HS3ST4: variants seen among roughly 807,000 people sequenced by gnomAD.
The protein encoded by HS3ST4 is heparan sulfate-glucosamine 3-sulfotransferase 4, also known as heparan sulfate glucosamine 3-O-sulfotransferase 4.
HS3ST4 carries 17 observed loss-of-function variants against 29.2 expected under a neutral mutation model. The ratio of observed to expected loss-of-function variants is 0.58; its 90% CI spans 0.40 to 0.87. The LOEUF (loss-of-function observed/expected upper bound fraction) is 0.87, where lower values mean the gene tolerates loss of function less well. Among genes scored for constraint, HS3ST4 ranks in the 40% least tolerant of loss-of-function variants. The probability of loss-of-function intolerance (pLI) is 0.00; values close to 1 mark genes in which losing one functional copy is unlikely to be tolerated. For missense variants in HS3ST4, 627 were observed against 634.5 expected (o/e 0.99, Z 0.13); for synonymous variants, 314 against 285.7 (o/e 1.10, Z -1.00).
At chr16:25,907,815 A>G (rs980891465) in intron 1 of HS3ST4, among the ~76,000 whole-genome samples, 12 of 152,346 alleles carry the variant, frequency 7.9e-5, no homozygotes, top group Admixed American at 3.3e-4. Flanking sequence ...TGGAAGAAAG[A>G]CTGTGATAAA....
chr16:26,102,255 G>A (rs9939950), intron 1 of HS3ST4, among the ~76,000 whole-genome samples: 26,844 of 72,754 alleles, frequency 0.37, 2,971 homozygotes, highest in Middle Eastern at 0.56. Context: ...TCACAGCAAT[G>A]ATTTTTTTTT....
chr16:25,859,826 C>T (rs1967619465), intron 1 of HS3ST4, among the ~76,000 whole-genome samples: 1 of 152,184 alleles, frequency 6.6e-6, no homozygotes, highest in African/African-American at 2.4e-5. Context: ...GATATCACTA[C>T]ACACCTATTA....
chr16:26,071,531 A>G (rs1168236123), intron 1 of HS3ST4, among the ~76,000 whole-genome samples: 1 of 152,170 alleles, frequency 6.6e-6, no homozygotes, highest in Non-Finnish European at 1.5e-5. Flanking sequence ...ATGCCAAAAC[A>G]AGGTTATAAA....
intron 1 of HS3ST4, among the ~76,000 whole-genome samples, chr16:25,864,979 C>T (rs1178515012): frequency 7.1e-6 from 1 of 140,664 alleles, no homozygotes. Flanking sequence ...CATACTCACA[C>T]ACACATACAC....
intron 1 of HS3ST4, among the ~76,000 whole-genome samples, chr16:25,768,168 C>G (rs1323910579): frequency 6.6e-6 from 1 of 152,182 alleles, no homozygotes; most frequent in African/African-American, 2.4e-5. Context: ...GCCACTGCTC[C>G]TTCTGATGCC....
At chr16:25,770,718 G>C (rs1367826082) in intron 1 of HS3ST4, among the ~76,000 whole-genome samples, 2 of 152,168 alleles carry the variant, frequency 1.3e-5, no homozygotes, top group African/African-American at 4.8e-5. Flanking sequence ...ATTTCGTTTG[G>C]GCTGCTTGCT....
At chr16:25,743,520 T>C (rs1335438661) in intron 1 of HS3ST4, among the ~76,000 whole-genome samples, 1 of 152,178 alleles carries the variant, frequency 6.6e-6, no homozygotes, top group Non-Finnish European at 1.5e-5. Flanking sequence ...TTTTATTCTT[T>C]TTTGAGGTGG....
intron 1 of HS3ST4, among the ~76,000 whole-genome samples, chr16:25,795,034 C>A (rs1462831647): frequency 6.7e-6 from 1 of 149,906 alleles, no homozygotes; most frequent in Non-Finnish European, 1.5e-5. Context: ...TGCAATGGCA[C>A]AATCTCAGCT....
chr16:25,804,860 T>G (rs1966974938), intron 1 of HS3ST4, among the ~76,000 whole-genome samples: 1 of 152,162 alleles, frequency 6.6e-6, no homozygotes, highest in South Asian at 2.1e-4. Context: ...CTTAACCCAT[T>G]GGCTAACACT....
At chr16:25,984,987 G>T (rs1004494463) in intron 1 of HS3ST4, among the ~76,000 whole-genome samples, 3 of 152,196 alleles carry the variant, frequency 2.0e-5, no homozygotes, top group African/African-American at 7.2e-5. Context: ...AGGCTTGGTG[G>T]TCTTAGCACC....
intron 1 of HS3ST4, among the ~76,000 whole-genome samples, chr16:25,949,770 G>A (rs184392191): frequency 1.5e-4 from 23 of 152,264 alleles, no homozygotes; most frequent in Non-Finnish European, 2.6e-4. Flanking sequence ...TATCAAGGAT[G>A]GGGAATAAGG....
At chr16:26,124,858 A>G (rs915230934) in intron 1 of HS3ST4, among the ~76,000 whole-genome samples, 2 of 152,234 alleles carry the variant, frequency 1.3e-5, no homozygotes, top group African/African-American at 4.8e-5. Flanking sequence ...TTGAAAAGCT[A>G]TGAGCCAACC....
intron 1 of HS3ST4, among the ~76,000 whole-genome samples, chr16:25,957,088 C>T (rs1001365583): frequency 6.6e-5 from 10 of 150,726 alleles, no homozygotes; most frequent in Admixed American, 4.6e-4. Flanking sequence ...AGTGGAGAGA[C>T]GATCAGAGCC....
intron 1 of HS3ST4, among the ~76,000 whole-genome samples, chr16:25,885,359 T>G (rs965391693): frequency 6.6e-6 from 1 of 152,134 alleles, no homozygotes; most frequent in Non-Finnish European, 1.5e-5. Flanking sequence ...TTCGAGACCC[T>G]CAGAGGAGGG....
chr16:26,080,197 T>C (rs1596673739), intron 1 of HS3ST4, among the ~76,000 whole-genome samples: 2 of 152,216 alleles, frequency 1.3e-5, no homozygotes, highest in Admixed American at 1.3e-4. Flanking sequence ...GCTCCTTCCT[T>C]CCTTCCTTCC....
chr16:25,770,660 G>A (rs1246292744), intron 1 of HS3ST4, among the ~76,000 whole-genome samples: 2 of 152,188 alleles, frequency 1.3e-5, no homozygotes, highest in African/African-American at 2.4e-5. Context: ...TGCATCTGGA[G>A]CTGTACGGCC....
chr16:25,947,829 G>A (rs1464239634), intron 1 of HS3ST4, among the ~76,000 whole-genome samples: 1 of 152,090 alleles, frequency 6.6e-6, no homozygotes, highest in African/African-American at 2.4e-5. Flanking sequence ...ATGCTTTGTG[G>A]CTTTGAGTCC....
intron 1 of HS3ST4, among the ~76,000 whole-genome samples, chr16:25,964,139 C>A (rs1024596242): frequency 6.6e-6 from 1 of 151,020 alleles, no homozygotes; most frequent in African/African-American, 2.4e-5. Flanking sequence ...TGCACCATTG[C>A]ACTCCAGCCT....
chr16:25,927,695 GTT>G (rs77200693), intron 1 of HS3ST4, among the ~76,000 whole-genome samples: 1 of 146,208 alleles, frequency 6.8e-6, no homozygotes, highest in Admixed American at 6.8e-5. Flanking sequence ...CTGTTTTTCT[GTT>G]TTTTTTTTTC....
Sources: allele counts gnomAD v4.1 joint callset (sites outside exome capture counted in the v4.1 genomes callset), GRCh38; gene constraint gnomAD v4.1.1; transcripts MANE v1.5; gene names NCBI Gene and HGNC (gene_info 2026-07-23, HGNC 2026-07-21).